The following ANXA8 variants were observed in gnomAD, a reference collection of about 807,000 sequenced individuals.
ANXA8 encodes annexin A8.
Under a neutral mutation model 26.8 loss-of-function variants are expected in ANXA8, and 9 were observed. That is an observed-to-expected ratio of 0.34 (90% CI 0.20 to 0.59). ANXA8 has a LOEUF of 0.59. Among genes scored for constraint, ANXA8 ranks in the 20% least tolerant of loss-of-function variants. The probability of loss-of-function intolerance (pLI) is 0.84; values close to 1 mark genes in which losing one functional copy is unlikely to be tolerated. For synonymous variants in ANXA8, 39 were observed against 94.8 expected (o/e 0.41, Z 3.42); for missense variants, 83 against 238.5 (o/e 0.35, Z 4.29).
the ANXA8 span, among the ~76,000 whole-genome samples, chr10:47,562,833 A>G: frequency 4.0e-5 from 6 of 150,790 alleles, no homozygotes; most frequent in African/African-American, 1.5e-4. Context: ...AATAACAGGT[A>G]AGGATCTCTT....
At chr10:47,653,343 GTCAGTACT>G in the ANXA8 span, among the ~76,000 whole-genome samples, 5 of 150,430 alleles carry the variant, frequency 3.3e-5, no homozygotes, top group Non-Finnish European at 7.4e-5. Flanking sequence ...CAAAAAACCA[GTCAGTACT>G]CTAGGGAAGA....
At chr10:47,470,083 A>G (rs1839281306) in intron 11 of ANXA8, among the ~76,000 whole-genome samples, 1 of 151,772 alleles carries the variant, frequency 6.6e-6, no homozygotes, top group Non-Finnish European at 1.5e-5. Flanking sequence ...AATAGTTTTT[A>G]GAAAGAAAAG....
chr10:47,777,910 A>G, the ANXA8 span, among the ~76,000 whole-genome samples: 1 of 151,492 alleles, frequency 6.6e-6, no homozygotes, highest in South Asian at 2.1e-4. Context: ...ACATGCCACC[A>G]CACTGGGCCT....
chr10:47,551,908 CT>C, the ANXA8 span: 2 of 1,188,396 alleles, frequency 1.7e-6, no homozygotes, highest in Non-Finnish European at 2.2e-6. Context: ...TCTTCTGGTC[CT>C]TAGTCTCCAT....
chr10:47,519,491 T>A, the ANXA8 span, among the ~76,000 whole-genome samples: 1 of 119,876 alleles, frequency 8.3e-6, no homozygotes, highest in Non-Finnish European at 1.7e-5. Flanking sequence ...AAAAAGAGTG[T>A]GGTACCTTCC....
upstream of ANXA8, among the ~76,000 whole-genome samples, chr10:47,488,713 ATTTTTTTTTTTTTT>A (rs1160121365): frequency 1.8e-4 from 11 of 62,118 alleles, no homozygotes; most frequent in East Asian, 2.0e-3. Flanking sequence ...TACATGTTAA[ATTTTTTTTTTTTTT>A]TTTTTTTTTT....
the ANXA8 span, among the ~76,000 whole-genome samples, chr10:47,561,610 A>AT: frequency 6.6e-6 from 1 of 151,802 alleles, no homozygotes; most frequent in Non-Finnish European, 1.5e-5. Context: ...GTATGTCAAA[A>AT]TTTTTTGTGG....
At chr10:47,650,555 C>G in the ANXA8 span, among the ~76,000 whole-genome samples, 3 of 150,280 alleles carry the variant, frequency 2.0e-5, no homozygotes, top group African/African-American at 7.4e-5. Flanking sequence ...GCCTGTAATC[C>G]CAGCACTTTG....
chr10:47,741,814 G>A, the ANXA8 span, among the ~76,000 whole-genome samples: 5 of 149,422 alleles, frequency 3.3e-5, no homozygotes, highest in East Asian at 3.9e-4. Context: ...TCAATAAAAC[G>A]ATTATAAAAA....
At chr10:47,576,736 T>C in the ANXA8 span, among the ~76,000 whole-genome samples, 126 of 150,524 alleles carry the variant, frequency 8.4e-4, no homozygotes, top group African/African-American at 2.9e-3. Flanking sequence ...CCCAGGCCAG[T>C]CTTGAACTCC....
At chr10:47,760,489 GTTCCAA>G in the ANXA8 span, among the ~76,000 whole-genome samples, 1 of 123,338 alleles carries the variant, frequency 8.1e-6, no homozygotes, top group Non-Finnish European at 1.7e-5. Context: ...GCGTGCCTGG[GTTCCAA>G]TTCCAATCTG....
the ANXA8 span, chr10:47,563,714 G>A: frequency 3.0e-5 from 24 of 803,476 alleles, 1 homozygote; most frequent in African/African-American, 3.7e-4. Flanking sequence ...GCTACCTAAT[G>A]AGAACTCTGG....
the ANXA8 span, among the ~76,000 whole-genome samples, chr10:47,689,283 G>A: frequency 2.6e-5 from 4 of 151,530 alleles, no homozygotes; most frequent in African/African-American, 7.3e-5. Flanking sequence ...GGGTTCAAGT[G>A]ATTCTTCTGC....
chr10:47,622,837 A>G, the ANXA8 span, among the ~76,000 whole-genome samples: 1 of 112,484 alleles, frequency 8.9e-6, no homozygotes, highest in Non-Finnish European at 1.9e-5. Context: ...ATTACGGTAG[A>G]TTTCTTTCTC....
the ANXA8 span, among the ~76,000 whole-genome samples, chr10:47,723,628 CT>C: frequency 7.2e-6 from 1 of 139,378 alleles, no homozygotes; most frequent in Non-Finnish European, 1.6e-5. Flanking sequence ...TTTCTACCCC[CT>C]CTTTAAATGC....
the ANXA8 span, among the ~76,000 whole-genome samples, chr10:47,525,720 T>C: frequency 7.4e-5 from 10 of 134,844 alleles, 1 homozygote; most frequent in African/African-American, 2.8e-4. Flanking sequence ...CATTTTCAGA[T>C]TGTGTCTTGT....
chr10:47,502,849 G>A, the ANXA8 span: 34 of 1,603,700 alleles, frequency 2.1e-5, no homozygotes, highest in African/African-American at 4.1e-5. Flanking sequence ...CTCCTCATAC[G>A]TCGTGGCTTC....
chr10:47,506,755 T>C, the ANXA8 span, among the ~76,000 whole-genome samples: 3 of 145,190 alleles, frequency 2.1e-5, no homozygotes, highest in Non-Finnish European at 4.5e-5. Context: ...TTCTCCTGCC[T>C]CAGCCTCCAG....
At chr10:47,620,420 CA>C in the ANXA8 span, among the ~76,000 whole-genome samples, 1 of 78,522 alleles carries the variant, frequency 1.3e-5, no homozygotes, top group East Asian at 2.6e-4. Flanking sequence ...ATAATAAATA[CA>C]TTTTTTTAAT....
Sources: gnomAD v4.1 joint callset for allele counts (sites outside exome capture counted in the v4.1 genomes callset) on GRCh38, gnomAD v4.1.1 for gene constraint, MANE v1.5 for transcripts, NCBI Gene and HGNC (gene_info 2026-07-23, HGNC 2026-07-21) for gene names.